Variants in RGS7 observed in about 807,000 individuals in gnomAD.
The protein encoded by RGS7 is regulator of G-protein signaling 7.
A neutral mutation model predicts 81.1 loss-of-function variants in RGS7; 27 were observed. That is an observed-to-expected ratio of 0.33 (90% CI 0.25 to 0.46). The LOEUF (loss-of-function observed/expected upper bound fraction) is 0.46, where lower values mean the gene tolerates loss of function less well. Among genes scored for constraint, RGS7 ranks in the 20% least tolerant of loss-of-function variants. RGS7 has a pLI of 1.00. For missense variants in RGS7, 396 were observed against 607.4 expected (o/e 0.65, Z 3.66); for synonymous variants, 208 against 207.7 (o/e 1.00, Z -0.01).
chr1:241,002,902 A>C (rs2058480547), intron 3 of RGS7, among the ~76,000 whole-genome samples: 1 of 152,244 alleles, frequency 6.6e-6, no homozygotes, highest in Non-Finnish European at 1.5e-5. Flanking sequence ...CACTCAATAC[A>C]TTCGTAACAT....
chr1:241,324,517 A>G (rs981225205), intron 2 of RGS7, among the ~76,000 whole-genome samples: 2 of 152,156 alleles, frequency 1.3e-5, no homozygotes, highest in African/African-American at 4.8e-5. Context: ...TCTGTCTTCT[A>G]ATACGTGTAC....
At chr1:241,206,406 G>A (rs2073890527) in intron 2 of RGS7, among the ~76,000 whole-genome samples, 2 of 151,662 alleles carry the variant, frequency 1.3e-5, no homozygotes, top group South Asian at 4.2e-4. Flanking sequence ...TGTATTTTTA[G>A]TAAAGATGGG....
At chr1:241,013,145 C>A (rs2059051907) in intron 3 of RGS7, among the ~76,000 whole-genome samples, 1 of 148,742 alleles carries the variant, frequency 6.7e-6, no homozygotes, top group Admixed American at 6.7e-5. Context: ...TCACCGCAAC[C>A]TCCACCTCCC....
intron 2 of RGS7, among the ~76,000 whole-genome samples, chr1:241,326,826 C>G (rs2148631857): frequency 6.7e-6 from 1 of 150,120 alleles, no homozygotes; most frequent in East Asian, 2.0e-4. Context: ...GAGAGGATCA[C>G]TTGAGCCCAG....
chr1:240,784,688 T>A (rs1234368781), intron 18 of RGS7, among the ~76,000 whole-genome samples: 2 of 148,970 alleles, frequency 1.3e-5, no homozygotes, highest in African/African-American at 5.0e-5. Context: ...AAATTTAACC[T>A]CCATTTTCGC....
At chr1:240,841,732 T>A (rs550029623) in intron 9 of RGS7, among the ~76,000 whole-genome samples, 1 of 152,208 alleles carries the variant, frequency 6.6e-6, no homozygotes, top group African/African-American at 2.4e-5. Context: ...AATTCATGAT[T>A]TCTTCTGGCA....
chr1:241,301,791 C>A (rs1340926338), intron 2 of RGS7, among the ~76,000 whole-genome samples: 1 of 152,208 alleles, frequency 6.6e-6, no homozygotes, highest in East Asian at 1.9e-4. Flanking sequence ...TAGAAACAAG[C>A]TTATGCTGAC....
At chr1:240,809,431 A>G (rs1353862530) in intron 14 of RGS7, among the ~76,000 whole-genome samples, 2 of 152,188 alleles carry the variant, frequency 1.3e-5, no homozygotes, top group African/African-American at 2.4e-5. Flanking sequence ...CCTGTTGACC[A>G]CTGGACCATT....
At chr1:241,091,899 C>CA (rs1277404703) in intron 3 of RGS7, among the ~76,000 whole-genome samples, 1 of 151,686 alleles carries the variant, frequency 6.6e-6, no homozygotes, top group Non-Finnish European at 1.5e-5. Context: ...ACAAACAAAC[C>CA]AAAAAACCAA....
intron 13 of RGS7, among the ~76,000 whole-genome samples, chr1:240,812,996 A>C (rs1337123882): frequency 2.0e-5 from 3 of 152,170 alleles, no homozygotes; most frequent in Non-Finnish European, 4.4e-5. Context: ...CCAGAAATGC[A>C]ATCTAGAGAA....
intron 2 of RGS7, among the ~76,000 whole-genome samples, chr1:241,346,409 T>C (rs867097731): frequency 6.6e-6 from 1 of 152,142 alleles, no homozygotes; most frequent in Non-Finnish European, 1.5e-5. Flanking sequence ...CCAATGCATA[T>C]GTAATGAATG....
At chr1:240,919,789 G>A (rs1442883487) in intron 6 of RGS7, 1 of 718,620 alleles carries the variant, frequency 1.4e-6, no homozygotes, top group East Asian at 2.5e-5. Flanking sequence ...GTGGTAATGA[G>A]AGATTCAAAC....
intron 2 of RGS7, among the ~76,000 whole-genome samples, chr1:241,234,141 A>C (rs1030874119): frequency 6.6e-6 from 1 of 152,202 alleles, no homozygotes; most frequent in African/African-American, 2.4e-5. Flanking sequence ...TACACTGGGG[A>C]ACGCATGTGT....
chr1:241,071,892 A>AAAAAAAAAAAAAAAAAG (rs2062485788), intron 3 of RGS7, among the ~76,000 whole-genome samples: 1 of 149,004 alleles, frequency 6.7e-6, no homozygotes, highest in Non-Finnish European at 1.5e-5. Context: ...AAAAAAAAAA[A>AAAAAAAAAAAAAAAAAG]AAACAAGAAA....
intron 10 of RGS7, among the ~76,000 whole-genome samples, chr1:240,818,091 T>A (rs1286195430): frequency 6.6e-6 from 1 of 152,172 alleles, no homozygotes; most frequent in Admixed American, 6.5e-5. Context: ...TTTTTTATAA[T>A]GCCAAACAAG....
intron 4 of RGS7, among the ~76,000 whole-genome samples, chr1:240,965,075 T>C (rs186106671): frequency 1.3e-5 from 2 of 152,372 alleles, no homozygotes; most frequent in East Asian, 3.9e-4. Flanking sequence ...GAAAAGATTA[T>C]TGCATTGAAC....
intron 2 of RGS7, among the ~76,000 whole-genome samples, chr1:241,272,545 A>G (rs781618159): frequency 6.6e-6 from 1 of 152,192 alleles, no homozygotes; most frequent in Non-Finnish European, 1.5e-5. Context: ...TGAACAGCCA[A>G]TCTGAAAAGA....
In RGS7 at chr1:241,162,514, G is replaced by A. The variant is rs533885152; in HGVS notation, c.79-63752C>T. Among the ~76,000 whole-genome samples, 176 of 152,304 alleles carry A rather than the reference G, an allele frequency of 1.2e-3. 1 individual carries two copies. The highest frequency in any genetic ancestry group is 3.9e-3 in the African/African-American group (164 of 41,556). ...AGGTATAAAACCCCAGTCAAGGACC[G>A]GATGGGGCACTGGATCTCTCAAGTC... is the stretch of plus-strand genomic sequence containing the variant. On this transcript the variant is annotated intron_variant, in intron 2 of 18. Transcript: ENST00000440928.
Position 241,106,856 on chromosome 1 carries a change from ATAAAG to A in RGS7, c.79-8099_79-8095del, listed in dbSNP as rs565178360. ...TTTATCCTTTTGTGATTTTGCAGAAATAAAGTAGAGGTTTTTTTTCTAATTTATAG... is the reference window on the plus strand; with the variant it reads ...TTTATCCTTTTGTGATTTTGCAGAAATAGAGGTTTTTTTTCTAATTTATAG... On this transcript the variant is annotated intron_variant, in intron 2 of 18. Transcript: ENST00000440928. 8.4e-4 allele frequency among the ~76,000 whole-genome samples: 127 copies of A among 151,198 alleles called. No homozygotes were observed. The South Asian group carries it at 0.011, about 13-fold the overall frequency.
Sources: allele counts gnomAD v4.1 joint callset (sites outside exome capture counted in the v4.1 genomes callset), GRCh38; gene constraint gnomAD v4.1.1; transcripts MANE v1.5; gene names NCBI Gene and HGNC (gene_info 2026-07-23, HGNC 2026-07-21).